Variants in GLRA2 observed in about 807,000 individuals in gnomAD.
GLRA2 encodes the protein glycine receptor subunit alpha-2.
Under a neutral mutation model 31.6 loss-of-function variants are expected in GLRA2, and 11 were observed. The observed-to-expected ratio is 0.35, with a 90% CI of 0.22 to 0.58. GLRA2 has a LOEUF of 0.58. Ranked by LOEUF, GLRA2 falls within the 20% of genes least tolerant of loss-of-function variation. The pLI, the probability that GLRA2 is intolerant of heterozygous loss-of-function variation, is 0.84. For synonymous variants in GLRA2, 132 were observed against 134.0 expected, an observed-to-expected ratio of 0.99 and a Z score of 0.10; for missense variants, 212 against 351.8, an observed-to-expected ratio of 0.60 and a Z score of 3.18.
At chrX:14,669,699 C>A (rs903457366) in intron 7 of GLRA2, among the ~76,000 whole-genome samples, 1 of 111,816 alleles carries the variant, frequency 8.9e-6, no homozygotes, top group Non-Finnish European at 1.9e-5. Flanking sequence ...ATGCAGGTCA[C>A]CAAGTCCCAA....
At chrX:14,621,229 T>A (rs1403025478) in intron 7 of GLRA2, among the ~76,000 whole-genome samples, 1 of 111,316 alleles carries the variant, frequency 9.0e-6, no homozygotes, top group Non-Finnish European at 1.9e-5. Flanking sequence ...ACCTCAAACT[T>A]TGCTACACAT....
At chrX:14,652,677 AATTG>A (rs1178163271) in intron 7 of GLRA2, among the ~76,000 whole-genome samples, 2 of 111,026 alleles carry the variant, frequency 1.8e-5, no homozygotes, top group Non-Finnish European at 3.8e-5. Context: ...ATGGTAACTT[AATTG>A]ATCAATGTTG....
At chrX:14,717,404 C>T (rs1251422497) in intron 8 of GLRA2, among the ~76,000 whole-genome samples, 1 of 109,074 alleles carries the variant, frequency 9.2e-6, no homozygotes, top group African/African-American at 3.3e-5. Flanking sequence ...CTTATATATA[C>T]TCCTACACAC....
intron 2 of GLRA2, among the ~76,000 whole-genome samples, chrX:14,545,516 G>A (rs895856589): frequency 9.0e-6 from 1 of 111,446 alleles, no homozygotes; most frequent in African/African-American, 3.3e-5. Context: ...CATGAGCTTT[G>A]GGGGACACAT....
intron 8 of GLRA2, among the ~76,000 whole-genome samples, chrX:14,710,526 A>G (rs986257186): frequency 1.8e-5 from 2 of 112,141 alleles, no homozygotes; most frequent in Non-Finnish European, 3.8e-5. Flanking sequence ...ATTCTATATT[A>G]GAGTCATCTT....
chrX:14,643,079 C>T (rs995060453), intron 7 of GLRA2, among the ~76,000 whole-genome samples: 2 of 111,817 alleles, frequency 1.8e-5, no homozygotes, highest in Non-Finnish European at 3.8e-5. Flanking sequence ...GGAATGTTGG[C>T]AGCCTTAAGG....
At chrX:14,678,943 T>C (rs1252612937) in intron 7 of GLRA2, among the ~76,000 whole-genome samples, 3 of 111,443 alleles carry the variant, frequency 2.7e-5, no homozygotes, top group African/African-American at 9.8e-5. Flanking sequence ...GAAGGTATAG[T>C]CTTAAGGGCC....
chrX:14,655,463 T>G (rs61551883), intron 7 of GLRA2, among the ~76,000 whole-genome samples: 19 of 111,334 alleles, frequency 1.7e-4, no homozygotes, highest in Non-Finnish European at 3.6e-4. Flanking sequence ...ACTCCTGAAT[T>G]ACTTCCTTCT....
intron 8 of GLRA2, among the ~76,000 whole-genome samples, chrX:14,691,349 C>G (rs968683016): frequency 5.7e-5 from 6 of 104,352 alleles, no homozygotes; most frequent in Non-Finnish European, 9.8e-5. Context: ...GTGTACATCA[C>G]TGATCTGATT....
rs1463100913 is a variant in GLRA2 at position 14,609,054 on chromosome X, A to G, written c.779A>G (p.Gln260Arg). The change falls in exon 7 of 9, where the codon CAG becomes CGG. Residue 260 changes from glutamine to arginine, a missense_variant. Physicochemically the swap from Gln to Arg is conservative, Grantham distance 43. Coordinates refer to ENST00000218075, the MANE Select transcript of GLRA2 (RefSeq NM_002063.4). Reference sequence around the variant, plus strand: ...CGCCAAATGGGATATTATTTGATCCAGATGTACATCCCAAGCCTGCTTATA... The same window carrying G: ...CGCCAAATGGGATATTATTTGATCCGGATGTACATCCCAAGCCTGCTTATA... ...LERQMGYYLI[Q>R]MYIPSLLIVI... is the part of the protein sequence containing the mutation. 1 of 1,183,903 alleles carries G rather than the reference A, an allele frequency of 8.4e-7. No homozygotes were observed. Among genetic ancestry groups the G allele is most frequent in the East Asian group, 3.0e-5 (1 of 33,720 alleles).
chrX:14,655,035 G>A (rs1233609504), intron 7 of GLRA2, among the ~76,000 whole-genome samples: 1 of 111,439 alleles, frequency 9.0e-6, no homozygotes, highest in African/African-American at 3.3e-5. Context: ...TGGGAATTAT[G>A]GGAGCTACAA....
intron 8 of GLRA2, among the ~76,000 whole-genome samples, chrX:14,697,492 C>G (rs2091466566): frequency 9.0e-6 from 1 of 111,720 alleles, no homozygotes; most frequent in African/African-American, 3.3e-5. Flanking sequence ...TCACTACTAT[C>G]CAGGCATCTT....
intron 4 of GLRA2, among the ~76,000 whole-genome samples, chrX:14,602,099 C>T (rs2090281863): frequency 9.0e-6 from 1 of 111,434 alleles, no homozygotes. Context: ...GGAAGGGAAC[C>T]AAGACTTACT....
At position 14,730,931 on chromosome X, in the gene GLRA2, C is replaced by T. The variant is rs866256094; in HGVS notation, c.*446C>T. On this transcript the variant is annotated 3_prime_UTR_variant, in exon 9 of 9. Transcript: ENST00000218075. ...ACACACACACACACACACACACACA[C>T]ACACACACACACACACACAAACTTC... The T allele has an allele frequency of 1.0e-5, 1 of 99,616 alleles. No homozygotes were observed. Among genetic ancestry groups the T allele is most frequent in the African/African-American group, 4.3e-5 (1 of 23,129 alleles). 8.2% of individuals were successfully genotyped at this position (99,616 alleles called of 1,213,427 possible).
At chrX:14,608,949 T>A in intron 6 of GLRA2, 42 bp from the exon 7 acceptor site, 2 of 611,372 alleles carry the variant, frequency 3.3e-6, no homozygotes, top group Non-Finnish European at 5.5e-6. Flanking sequence ...ATTGGAAATA[T>A]AAATTCAGGC....
intron 7 of GLRA2, among the ~76,000 whole-genome samples, chrX:14,664,479 G>A (rs1569518604): frequency 9.0e-6 from 1 of 111,673 alleles, no homozygotes. Context: ...GAAAATACCG[G>A]TTAGATTTTC....
intron 4 of GLRA2, among the ~76,000 whole-genome samples, chrX:14,600,805 T>C (rs1234359937): frequency 1.8e-5 from 2 of 111,697 alleles, no homozygotes; most frequent in Non-Finnish European, 3.8e-5. Context: ...TTCTGTCTAA[T>C]TGAGGCTTTG....
intron 4 of GLRA2, among the ~76,000 whole-genome samples, chrX:14,583,196 G>A (rs1050760558): frequency 9.0e-6 from 1 of 111,581 alleles, no homozygotes; most frequent in African/African-American, 3.3e-5. Context: ...CAGAGAAAAC[G>A]GAACACTTAT....
At chrX:14,629,010 G>A (rs1170077685) in intron 7 of GLRA2, among the ~76,000 whole-genome samples, 3 of 111,424 alleles carry the variant, frequency 2.7e-5, no homozygotes, top group South Asian at 3.8e-4. Context: ...ACTGGCTGTC[G>A]GAATGAAGAT....
Sources: allele counts gnomAD v4.1 joint callset (sites outside exome capture counted in the v4.1 genomes callset), GRCh38; gene constraint gnomAD v4.1.1; transcripts MANE v1.5; gene names NCBI Gene and HGNC (gene_info 2026-07-23, HGNC 2026-07-21).